Variants in GRIN2A observed in about 807,000 individuals in gnomAD.
GRIN2A encodes glutamate receptor ionotropic, NMDA 2A.
A neutral mutation model predicts 113.4 loss-of-function variants in GRIN2A; 22 were observed. The observed-to-expected ratio is 0.19, with a 90% confidence interval of 0.14 to 0.28. The LOEUF (loss-of-function observed/expected upper bound fraction) is 0.28, where lower values mean the gene tolerates loss of function less well. GRIN2A is among the 10% of genes least tolerant of loss of function. GRIN2A has a pLI of 1.00. For synonymous variants in GRIN2A, 827 were observed against 738.4 expected (o/e 1.12, Z -1.94); for missense variants, 1,502 against 1,887.0 (o/e 0.80, Z 3.78).
intron 2 of GRIN2A, among the ~76,000 whole-genome samples, chr16:10,049,668 C>T (rs538495350): frequency 3.0e-4 from 45 of 152,180 alleles, no homozygotes; most frequent in Non-Finnish European, 5.7e-4. Flanking sequence ...CATGAGTCAC[C>T]GCGACCAGCC....
intron 2 of GRIN2A, among the ~76,000 whole-genome samples, chr16:10,126,311 C>A (rs1224114602): frequency 6.6e-6 from 1 of 151,916 alleles, no homozygotes; most frequent in Non-Finnish European, 1.5e-5. Flanking sequence ...CAGGCGTGCA[C>A]CACCACACCT....
intron 2 of GRIN2A, among the ~76,000 whole-genome samples, chr16:10,088,136 C>A (rs566306282): frequency 6.6e-6 from 1 of 152,128 alleles, no homozygotes; most frequent in African/African-American, 2.4e-5. Flanking sequence ...GACCCTCTCC[C>A]TTGAGAAACG....
At chr16:9,810,591 G>A (rs541923930) in intron 10 of GRIN2A, among the ~76,000 whole-genome samples, 1 of 152,248 alleles carries the variant, frequency 6.6e-6, no homozygotes, top group Admixed American at 6.5e-5. Context: ...GGAGATGGAG[G>A]CAGAGATTGG....
At chr16:10,058,454 A>G (rs1296931164) in intron 2 of GRIN2A, among the ~76,000 whole-genome samples, 4 of 152,228 alleles carry the variant, frequency 2.6e-5, no homozygotes, top group African/African-American at 9.6e-5. Flanking sequence ...TACTAACTAC[A>G]ATGATTTCAA....
intron 2 of GRIN2A, among the ~76,000 whole-genome samples, chr16:10,123,679 T>C (rs1375070): frequency 0.74 from 112,825 of 151,770 alleles, 43,106 homozygotes; most frequent in East Asian, 0.96. Flanking sequence ...TGCATTCAGG[T>C]TCCCAGAGGA....
intron 2 of GRIN2A, among the ~76,000 whole-genome samples, chr16:10,101,941 G>C (rs1488762235): frequency 1.3e-5 from 2 of 152,136 alleles, no homozygotes; most frequent in East Asian, 1.9e-4. Context: ...TGTAGGCAAG[G>C]GTGACAGGAA....
At chr16:9,900,857 G>A (rs1000167342) in intron 3 of GRIN2A, among the ~76,000 whole-genome samples, 6 of 152,150 alleles carry the variant, frequency 3.9e-5, no homozygotes, top group African/African-American at 9.7e-5. Context: ...CTCACATAAT[G>A]AGCTTCTAAT....
chr16:9,898,977 A>G (rs2043862726), intron 3 of GRIN2A, among the ~76,000 whole-genome samples: 1 of 151,706 alleles, frequency 6.6e-6, no homozygotes. Flanking sequence ...TTCCCAACTC[A>G]TCCACCTCCT....
chr16:9,910,817 C>A (rs978072333), intron 3 of GRIN2A, among the ~76,000 whole-genome samples: 1 of 152,236 alleles, frequency 6.6e-6, no homozygotes, highest in East Asian at 1.9e-4. Flanking sequence ...GGATTACAGG[C>A]ATGAGCCACT....
At chr16:10,177,389 C>T (rs34406060) in intron 2 of GRIN2A, among the ~76,000 whole-genome samples, 7 of 152,162 alleles carry the variant, frequency 4.6e-5, no homozygotes, top group Non-Finnish European at 8.8e-5. Context: ...TTCCCTGCCA[C>T]CTTGCCTCAT....
intron 3 of GRIN2A, among the ~76,000 whole-genome samples, chr16:9,914,404 A>T (rs1469412354): frequency 6.6e-6 from 1 of 152,208 alleles, no homozygotes; most frequent in Admixed American, 6.5e-5. Context: ...TTCAGATAAC[A>T]AAATTGTCCA....
intron 11 of GRIN2A, among the ~76,000 whole-genome samples, chr16:9,787,640 A>G (rs924955599): frequency 1.3e-5 from 2 of 152,196 alleles, no homozygotes; most frequent in African/African-American, 4.8e-5. Flanking sequence ...GGCTCTCTTC[A>G]TGGATAAATA....
intron 9 of GRIN2A, among the ~76,000 whole-genome samples, chr16:9,826,381 T>C (rs2042387571): frequency 6.6e-6 from 1 of 152,190 alleles, no homozygotes; most frequent in African/African-American, 2.4e-5. Context: ...GGAAGCATCT[T>C]ACCCATGAAT....
At chr16:9,988,288 T>TGTGC (rs2046024685) in intron 2 of GRIN2A, among the ~76,000 whole-genome samples, 1 of 120,556 alleles carries the variant, frequency 8.3e-6, no homozygotes, top group Non-Finnish European at 1.9e-5. Flanking sequence ...TGTGTGCGTG[T>TGTGC]GTGTGTGTGT....
intron 2 of GRIN2A, among the ~76,000 whole-genome samples, chr16:10,014,269 G>C (rs2046562615): frequency 6.6e-6 from 1 of 152,164 alleles, no homozygotes; most frequent in Admixed American, 6.5e-5. Context: ...GGCACTTGTA[G>C]AATAAATTTT....
intron 2 of GRIN2A, among the ~76,000 whole-genome samples, chr16:10,147,883 C>T (rs138994876): frequency 9.8e-5 from 15 of 152,308 alleles, no homozygotes; most frequent in African/African-American, 3.1e-4. Flanking sequence ...CTTTCCTCTA[C>T]GAACTCTGGT....
chr16:9,899,812 G>A (rs1465702746), intron 3 of GRIN2A, among the ~76,000 whole-genome samples: 1 of 152,156 alleles, frequency 6.6e-6, no homozygotes, highest in Non-Finnish European at 1.5e-5. Flanking sequence ...TGAATGAGCA[G>A]GCATAGGTCT....
intron 2 of GRIN2A, among the ~76,000 whole-genome samples, chr16:9,977,266 TG>T (rs1248675725): frequency 7.7e-6 from 1 of 129,178 alleles, no homozygotes; most frequent in Non-Finnish European, 1.5e-5. Flanking sequence ...CACTCCAGCC[TG>T]GGCAACAGAG....
chr16:10,102,168 T>C lies in GRIN2A; in HGVS notation c.414+77830A>G, dbSNP rs569235080. ...GGTGTTTGTTCCCTCCAAACTCATG[T>C]TGAAATGTCACCTCCAGTGTTGGAG... is the stretch of plus-strand genomic sequence containing the variant. On this transcript the variant is annotated intron_variant, in intron 2 of 12. Transcript: ENST00000330684. Among the ~76,000 whole-genome samples the C allele has an allele frequency of 7.2e-5, 11 of 152,338 alleles. No homozygotes were observed. The East Asian group carries it at 2.1e-3, about 29-fold the overall frequency.
Sources: gnomAD v4.1 joint callset for allele counts (sites outside exome capture counted in the v4.1 genomes callset) on GRCh38, gnomAD v4.1.1 for gene constraint, MANE v1.5 for transcripts, NCBI Gene and HGNC (gene_info 2026-07-23, HGNC 2026-07-21) for gene names.